BTF3L4: variants seen among roughly 807,000 people sequenced by gnomAD.
BTF3L4 encodes transcription factor BTF3 homolog 4.
Under a neutral mutation model 16.8 loss-of-function variants are expected in BTF3L4, and 6 were observed. The observed-to-expected ratio is 0.36, with a 90% confidence interval of 0.20 to 0.71. BTF3L4 has a LOEUF of 0.71. BTF3L4 is among the 30% of genes least tolerant of loss of function. The probability of loss-of-function intolerance (pLI) is 0.58; values close to 1 mark genes in which losing one functional copy is unlikely to be tolerated. For missense variants in BTF3L4, 92 were observed against 186.9 expected (o/e 0.49, Z 2.96); for synonymous variants, 39 against 59.8 (o/e 0.65, Z 1.60).
At chr1:52,084,641 A>G (rs907656311) in intron 4 of BTF3L4, among the ~76,000 whole-genome samples, 44 of 152,016 alleles carry the variant, frequency 2.9e-4, no homozygotes, top group Admixed American at 9.8e-4. Context: ...AAAATACAAA[A>G]ATTAGCCAGG....
In BTF3L4 at chr1:52,090,691, G is replaced by A. The variant is rs972123638; in HGVS notation, c.*3933G>A. 3 of 150,524 alleles carry A rather than the reference G, an allele frequency of 2.0e-5. No individual in the cohort carries two copies. The highest frequency in any genetic ancestry group is 7.3e-5 in the African/African-American group (3 of 40,980). The allele number at this position is 150,524 out of a possible 1,614,324, so 9.3% of individuals were successfully genotyped here. The stretch of plus-strand genomic sequence containing the variant: ...ATGTAATGTTTTTCAACTACTTACT[G>A]TTGAATACAAAGTTATCTCATTTAA... On this transcript the variant is annotated 3_prime_UTR_variant, in exon 6 of 6. Coordinates refer to ENST00000313334, the MANE Select transcript of BTF3L4 (RefSeq NM_152265.5).
chr1:52,058,694 C>T (rs1686435512), intron 1 of BTF3L4, among the ~76,000 whole-genome samples: 3 of 152,076 alleles, frequency 2.0e-5, no homozygotes, highest in Admixed American at 1.3e-4. Flanking sequence ...CTCCGCCTCC[C>T]GGGTTCAGGC....
At chr1:52,079,672 GAACAT>G (rs1351479591) in intron 3 of BTF3L4, among the ~76,000 whole-genome samples, 1 of 151,940 alleles carries the variant, frequency 6.6e-6, no homozygotes, top group African/African-American at 2.4e-5. Context: ...AGAGAAACTT[GAACAT>G]AAGAAAAAAC....
At chr1:52,063,395 A>G (rs965687307) in intron 2 of BTF3L4, among the ~76,000 whole-genome samples, 3 of 152,144 alleles carry the variant, frequency 2.0e-5, no homozygotes, top group Non-Finnish European at 2.9e-5. Context: ...ATGAGTGCCT[A>G]TGTAAATAGT....
intron 3 of BTF3L4, 42 bp downstream of exon 3, chr1:52,064,980 C>A: frequency 1.7e-6 from 2 of 1,200,366 alleles, no homozygotes; most frequent in Non-Finnish European, 2.4e-6. Flanking sequence ...TGGGTACATG[C>A]ACAAATAATT....
chr1:52,074,140 T>C (rs887549368), intron 3 of BTF3L4, among the ~76,000 whole-genome samples: 35 of 151,926 alleles, frequency 2.3e-4, no homozygotes, highest in Non-Finnish European at 8.8e-5. Flanking sequence ...ACTTCCAGCC[T>C]GGGTGACAGA....
chr1:52,083,346 A>C lies in BTF3L4; in HGVS notation c.175A>C (p.Met59Leu). 6.2e-7 allele frequency: 1 copy of C among 1,612,502 alleles called. No homozygotes were observed. Among genetic ancestry groups the C allele is most frequent in the Non-Finnish European group, 8.5e-7 (1 of 1,178,704 alleles). Residue 59 changes from methionine to leucine, a missense_variant, in exon 4 of 6, where the codon ATG becomes CTG. Transcript: ENST00000313334. ...TTCTTCTGTGATCATACAGGTGAAC[A>C]TGATTAAAGATGATGGGACAGTTAT... Reference protein sequence around the residue: ...NNIAGIEEVNMIKDDGTVIHF... With the variant: ...NNIAGIEEVNLIKDDGTVIHF...
rs766729864 is a variant in BTF3L4 at position 52,090,115 on chromosome 1, G to A, written c.*3357G>A. On this transcript the variant is annotated 3_prime_UTR_variant, in exon 6 of 6. Transcript: ENST00000313334. ...CAGGGCTGCTGCGGTGCACAACTTC[G>A]GGAGCCATCACTTATTTTTGTTGTG... 3 of 152,040 alleles carry A rather than the reference G, an allele frequency of 2.0e-5. No homozygotes were observed. Among genetic ancestry groups the A allele is most frequent in the East Asian group, 1.9e-4 (1 of 5,186 alleles). 9.4% of individuals were successfully genotyped at this position (152,040 alleles called of 1,614,324 possible). A position where few individuals can be genotyped will look rare whatever the true frequency, so the allele number is the denominator to read the frequency against.
intron 3 of BTF3L4, among the ~76,000 whole-genome samples, chr1:52,078,972 A>G (rs1436011541): frequency 6.6e-6 from 1 of 152,200 alleles, no homozygotes; most frequent in Non-Finnish European, 1.5e-5. Context: ...TTGTACATAT[A>G]TTATATGGCT....
intron 3 of BTF3L4, among the ~76,000 whole-genome samples, chr1:52,075,929 C>T (rs961850811): frequency 2.6e-5 from 4 of 152,154 alleles, no homozygotes; most frequent in East Asian, 1.9e-4. Context: ...CCTCCCGAAG[C>T]GTAGGGATTA....
chr1:52,069,046 G>A (rs1430836219), intron 3 of BTF3L4, among the ~76,000 whole-genome samples: 1 of 151,984 alleles, frequency 6.6e-6, no homozygotes, highest in Admixed American at 6.6e-5. Context: ...ACAACATCAC[G>A]CAGAGAATTA....
At chr1:52,068,230 C>T (rs937254955) in intron 3 of BTF3L4, among the ~76,000 whole-genome samples, 15 of 152,048 alleles carry the variant, frequency 9.9e-5, no homozygotes, top group Admixed American at 5.2e-4. Context: ...AATACTGTGC[C>T]GAGGTCATGG....
At chr1:52,085,750 A>G (rs1285793923) in intron 4 of BTF3L4, among the ~76,000 whole-genome samples, 2 of 152,058 alleles carry the variant, frequency 1.3e-5, no homozygotes, top group Admixed American at 6.6e-5. Context: ...CTTGGGAGGC[A>G]GGGAGAATTG....
At chr1:52,082,470 C>A (rs1025616686) in intron 3 of BTF3L4, among the ~76,000 whole-genome samples, 1 of 152,102 alleles carries the variant, frequency 6.6e-6, no homozygotes, top group African/African-American at 2.4e-5. Flanking sequence ...TGTGGTGGCT[C>A]ATGCCTGTAA....
Position 52,064,989 on chromosome 1 carries a change from TTGTC to T in BTF3L4, c.168+54_168+57del, listed in dbSNP as rs529398006. On this transcript the variant is annotated intron_variant, in intron 3 of 5. Transcript: ENST00000313334. ...ATTGTGTGGGTACATGCACAAATAA[TTGTC>T]TGGACCTTTCAGATGTAAAATATCA... The T allele has an allele frequency of 3.2e-3, 3,500 of 1,078,876 alleles. 12 individuals carry two copies. The highest frequency in any genetic ancestry group is 4.7e-3 in the Admixed American group (220 of 47,276). 66.8% of individuals were successfully genotyped at this position (1,078,876 alleles called of 1,614,324 possible). A position where few individuals can be genotyped will look rare whatever the true frequency, so the allele number is the denominator to read the frequency against.
At position 52,059,915 on chromosome 1, in the gene BTF3L4, A is replaced by G; in HGVS notation, c.54+14A>G. ...ATAGGGGGCAAGGTGAGTGTGGCAT[A>G]AGAAAAATTGATAGGAGAATGTATG... On this transcript the variant is annotated intron_variant, in intron 2 of 5. Transcript: ENST00000313334. The G allele has an allele frequency of 4.4e-6, 7 of 1,606,244 alleles. No homozygotes were observed. Among genetic ancestry groups the G allele is most frequent in the East Asian group, 2.2e-5 (1 of 44,584 alleles).
chr1:52,079,461 T>G (rs1281552018), intron 3 of BTF3L4, among the ~76,000 whole-genome samples: 2 of 151,916 alleles, frequency 1.3e-5, no homozygotes. Context: ...TTAACTAAAC[T>G]CTCCATCCCT....
chr1:52,090,196 A>G lies in BTF3L4; in HGVS notation c.*3438A>G, dbSNP rs1454787139. 1 of 152,212 alleles carries G rather than the reference A, an allele frequency of 6.6e-6. No homozygotes were observed. The highest frequency in any genetic ancestry group is 1.5e-5 in the Non-Finnish European group (1 of 68,044). The allele number at this position is 152,212 out of a possible 1,614,324, so 9.4% of individuals were successfully genotyped here. A position where few individuals can be genotyped will look rare whatever the true frequency, so the allele number is the denominator to read the frequency against. On this transcript the variant is annotated 3_prime_UTR_variant, in exon 6 of 6. Transcript: ENST00000313334. ...GTGTGAATAGTGTCCTCCATTAATA[A>G]TGCAATGATGGCCTTGCTCTCTGAG...
At chr1:52,057,330 G>C (rs1686394351) in intron 1 of BTF3L4, among the ~76,000 whole-genome samples, 1 of 152,200 alleles carries the variant, frequency 6.6e-6, no homozygotes, top group African/African-American at 2.4e-5. Flanking sequence ...ATATAAACCT[G>C]TTTACACCCT....
Sources: gnomAD v4.1 joint callset for allele counts (sites outside exome capture counted in the v4.1 genomes callset) on GRCh38, gnomAD v4.1.1 for gene constraint, MANE v1.5 for transcripts, NCBI Gene and HGNC (gene_info 2026-07-23, HGNC 2026-07-21) for gene names.